The following OSBPL10 variants were observed in gnomAD, a reference collection of about 807,000 sequenced individuals.
OSBPL10 encodes the protein oxysterol-binding protein-related protein 10.
A neutral mutation model predicts 81.7 loss-of-function variants in OSBPL10; 49 were observed. The observed-to-expected ratio is 0.60, with a 90% CI of 0.48 to 0.76. The LOEUF (loss-of-function observed/expected upper bound fraction) is 0.76. Among genes scored for constraint, OSBPL10 ranks in the 30% least tolerant of loss-of-function variants. The probability of loss-of-function intolerance (pLI) is 0.00; values close to 1 mark genes in which losing one functional copy is unlikely to be tolerated. For synonymous variants in OSBPL10, 419 were observed against 383.6 expected (o/e 1.09, Z -1.08); for missense variants, 923 against 987.8 (o/e 0.93, Z 0.88).
chr3:31,733,458 AT>A, intron 5 of OSBPL10, 47 bp from the exon 6 acceptor site: 1 of 1,609,674 alleles, frequency 6.2e-7, no homozygotes, highest in Non-Finnish European at 8.5e-7. Flanking sequence ...CAAATTAAAC[AT>A]TTATAGCTCA....
At chr3:31,761,813 T>TAAAAAAAAAAAAAAAAA (rs34579457) in intron 4 of OSBPL10, among the ~76,000 whole-genome samples, 13 of 107,508 alleles carry the variant, frequency 1.2e-4, no homozygotes, top group African/African-American at 7.6e-4. Context: ...AGACTGTCTC[T>TAAAAAAAAAAAAAAAAA]AAAAAAAAAA....
At chr3:31,896,732 A>T (rs890237295) in intron 1 of OSBPL10, among the ~76,000 whole-genome samples, 1 of 152,184 alleles carries the variant, frequency 6.6e-6, no homozygotes, top group African/African-American at 2.4e-5. Context: ...AGAGGGGGTC[A>T]CCTCTGGGAA....
chr3:31,675,839 G>A (rs1411099742), intron 8 of OSBPL10, among the ~76,000 whole-genome samples: 2 of 151,754 alleles, frequency 1.3e-5, no homozygotes, highest in African/African-American at 4.8e-5. Context: ...CCAGCTACTC[G>A]GGAGGCTGAG....
chr3:31,849,417 G>A (rs144382848), intron 3 of OSBPL10, among the ~76,000 whole-genome samples: 40 of 152,140 alleles, frequency 2.6e-4, no homozygotes, highest in African/African-American at 9.4e-4. Flanking sequence ...GAAAACTGAA[G>A]CCCAGAAAAA....
chr3:31,899,542 G>A (rs1188609715), intron 1 of OSBPL10, among the ~76,000 whole-genome samples: 1 of 152,128 alleles, frequency 6.6e-6, no homozygotes, highest in East Asian at 1.9e-4. Context: ...AAATTAAACA[G>A]ATGTTTTAAA....
chr3:31,941,501 C>T (rs1697535295), intron 1 of OSBPL10, among the ~76,000 whole-genome samples: 1 of 152,206 alleles, frequency 6.6e-6, no homozygotes, highest in Non-Finnish European at 1.5e-5. Context: ...AGGAGCCAAA[C>T]AATGATTTGG....
intron 5 of OSBPL10, among the ~76,000 whole-genome samples, chr3:31,747,223 C>A (rs375718196): frequency 1.3e-5 from 2 of 151,492 alleles, no homozygotes; most frequent in African/African-American, 4.9e-5. Flanking sequence ...GAGGCTGAGG[C>A]GGGAGAATCT....
chr3:32,004,693 A>C (rs117687976), intron 2 of OSBPL10, among the ~76,000 whole-genome samples: 2 of 152,346 alleles, frequency 1.3e-5, no homozygotes, highest in East Asian at 3.9e-4. Flanking sequence ...TCAGGTACCA[A>C]GAGAACAACA....
chr3:31,947,995 A>C (rs9853939), intron 1 of OSBPL10, among the ~76,000 whole-genome samples: 86,449 of 152,064 alleles, frequency 0.57, 26,925 homozygotes, highest in African/African-American at 0.84. Flanking sequence ...TGACTTCACT[A>C]AGTGATGTCA....
intron 4 of OSBPL10, among the ~76,000 whole-genome samples, chr3:31,804,665 TA>T (rs1297640564): frequency 6.6e-6 from 1 of 152,200 alleles, no homozygotes; most frequent in Non-Finnish European, 1.5e-5. Context: ...GGCCATAACG[TA>T]ACAGCGCCTA....
At chr3:32,030,578 T>G (rs1699458520) in intron 2 of OSBPL10, 7 of 889,966 alleles carry the variant, frequency 7.9e-6, no homozygotes, top group Non-Finnish European at 1.3e-5. Context: ...TGGGTTCAAC[T>G]GAAGCGCCCG....
chr3:32,068,009 C>T (rs1559557796), intron 1 of OSBPL10, among the ~76,000 whole-genome samples: 1 of 152,174 alleles, frequency 6.6e-6, no homozygotes, highest in Non-Finnish European at 1.5e-5. Context: ...TGAAGAGATC[C>T]ACCTACAACC....
chr3:31,941,730 A>C (rs1697540431), intron 1 of OSBPL10, among the ~76,000 whole-genome samples: 1 of 152,208 alleles, frequency 6.6e-6, no homozygotes, highest in Non-Finnish European at 1.5e-5. Flanking sequence ...TTTGAAAGGG[A>C]AAGAAAATGG....
intron 4 of OSBPL10, among the ~76,000 whole-genome samples, chr3:31,804,824 T>C (rs1452981571): frequency 6.6e-6 from 1 of 152,256 alleles, no homozygotes; most frequent in Non-Finnish European, 1.5e-5. Context: ...TAAGACTTCA[T>C]TCACTTTCCC....
chr3:31,812,786 GAAA>G (rs1699731329), intron 4 of OSBPL10, among the ~76,000 whole-genome samples: 1 of 45,206 alleles, frequency 2.2e-5, no homozygotes, highest in Non-Finnish European at 4.1e-5. Context: ...AAGAAAGAAA[GAAA>G]GAAAGAAAGA....
rs1699449396 is a variant in OSBPL10 at position 32,029,729 on chromosome 3, G to C, written n.298+16762C>G. On this transcript the variant is annotated intron_variant and non_coding_transcript_variant, in intron 2 of 3. Transcript: ENST00000479173. ...GAGCCAATAAAAATAAGATGAAAATGCATCATCTCACTGTAACCAATGTCC... is the reference window on the plus strand; with the variant it reads ...GAGCCAATAAAAATAAGATGAAAATCCATCATCTCACTGTAACCAATGTCC... Among the ~76,000 whole-genome samples the C allele has an allele frequency of 2.6e-5, 4 of 152,250 alleles. No homozygotes were observed. The South Asian group carries it at 8.3e-4, about 32-fold the overall frequency.
intron 2 of OSBPL10, among the ~76,000 whole-genome samples, chr3:31,986,907 T>C (rs1202669762): frequency 6.6e-6 from 1 of 152,106 alleles, no homozygotes; most frequent in Non-Finnish European, 1.5e-5. Context: ...CTCAGGAGGC[T>C]GAGCCAGGAG....
intron 1 of OSBPL10, among the ~76,000 whole-genome samples, chr3:31,912,313 G>C (rs1232943239): frequency 2.0e-5 from 3 of 151,176 alleles, no homozygotes; most frequent in African/African-American, 7.3e-5. Context: ...AGAATCATTT[G>C]AACACAGGAG....
At chr3:32,061,196 G>C (rs1699752481) in intron 1 of OSBPL10, among the ~76,000 whole-genome samples, 1 of 90,662 alleles carries the variant, frequency 1.1e-5, no homozygotes, top group Admixed American at 1.4e-4. Flanking sequence ...TCTGTCCCCT[G>C]AGCACCCCAC....
Sources: allele counts gnomAD v4.1 joint callset (sites outside exome capture counted in the v4.1 genomes callset), GRCh38; gene constraint gnomAD v4.1.1; transcripts MANE v1.5; gene names NCBI Gene and HGNC (gene_info 2026-07-23, HGNC 2026-07-21).